LYZL4: variants seen among roughly 807,000 people sequenced by gnomAD.
The protein encoded by LYZL4 is lysozyme like 4.
Under a neutral mutation model 17.6 loss-of-function variants are expected in LYZL4, and 13 were observed. That is an observed-to-expected ratio of 0.74 (90% CI 0.48 to 1.18). The LOEUF is 1.18. LYZL4 is among the 50% of genes most tolerant of loss of function. The pLI is 0.00. For synonymous variants in LYZL4, 64 were observed against 67.7 expected (o/e 0.95, Z 0.27); for missense variants, 174 against 188.2 (o/e 0.92, Z 0.44).
At chr3:42,378,309 G>T in the LYZL4 span, among the ~76,000 whole-genome samples, 1 of 152,168 alleles carries the variant, frequency 6.6e-6, no homozygotes, top group African/African-American at 2.4e-5. Context: ...ATTTAGCAAG[G>T]CCCAACTGTT....
At chr3:42,372,149 G>C in the LYZL4 span, among the ~76,000 whole-genome samples, 1 of 152,200 alleles carries the variant, frequency 6.6e-6, no homozygotes, top group Non-Finnish European at 1.5e-5. Flanking sequence ...CCAGGGCTTG[G>C]TCAGGCAGGG....
chr3:42,374,680 C>G, the LYZL4 span, among the ~76,000 whole-genome samples: 1 of 152,214 alleles, frequency 6.6e-6, no homozygotes, highest in Non-Finnish European at 1.5e-5. Context: ...CCACCTGTCC[C>G]TGCTGTATCC....
Position 42,397,290 on chromosome 3 carries a change from C to T in LYZL4, c.416G>A (p.Arg139Gln), listed in dbSNP as rs756825251. 5.3e-5 allele frequency: 83 copies of T among 1,570,442 alleles called. No homozygotes were observed. The highest frequency in any genetic ancestry group is 4.5e-5 in the Non-Finnish European group (52 of 1,157,474). ...CTACAGCTTGCAACCATCCAGCCAC[C>T]GTGCCAGGGTATCGGAGTACTGGCA... ...RYCQYSDTLA[R>Q]WLDGCKL is the part of the protein sequence containing the mutation. Residue 139 changes from arginine to glutamine, a missense_variant, in exon 5 of 5, where the codon CGG (arginine) becomes CAG (glutamine). Transcript: ENST00000287748.
chr3:42,374,534 G>A, the LYZL4 span, among the ~76,000 whole-genome samples: 1 of 152,122 alleles, frequency 6.6e-6, no homozygotes, highest in African/African-American at 2.4e-5. Context: ...CCGATATCCT[G>A]AGCCAGTATG....
At chr3:42,385,368 G>C in the LYZL4 span, among the ~76,000 whole-genome samples, 1 of 152,154 alleles carries the variant, frequency 6.6e-6, no homozygotes, top group Non-Finnish European at 1.5e-5. Context: ...ACTTAGCACT[G>C]TGTTGCAATT....
chr3:42,370,935 C>T, the LYZL4 span, among the ~76,000 whole-genome samples: 1 of 152,198 alleles, frequency 6.6e-6, no homozygotes, highest in African/African-American at 2.4e-5. Context: ...TCCCCATCTC[C>T]TTTTGTCTTT....
intron 3 of LYZL4, among the ~76,000 whole-genome samples, chr3:42,404,710 C>T: frequency 6.6e-6 from 1 of 151,924 alleles, no homozygotes; most frequent in South Asian, 2.1e-4. Context: ...CTATATTTAT[C>T]TATGTTTATA....
chr3:42,389,396 G>A, the LYZL4 span, among the ~76,000 whole-genome samples: 1 of 152,156 alleles, frequency 6.6e-6, no homozygotes, highest in Non-Finnish European at 1.5e-5. Context: ...AGACATCCTA[G>A]AAGCAGCAGC....
rs1411808509 is a variant in LYZL4 at position 42,407,278 on chromosome 3, G to A, written c.-27C>T. The A allele has an allele frequency of 2.5e-6, 4 of 1,613,456 alleles. No individual in the cohort carries two copies. In the African/African-American group the frequency reaches 5.3e-5, roughly 22 times the overall value. ...TTCTCCAGGCTCCTGGCAGGTCAGG[G>A]CAACGGTGGCCAGATGAGTGGGTGG... is the stretch of plus-strand genomic sequence containing the variant. On this transcript the variant is annotated 5_prime_UTR_variant, in exon 2 of 5. Transcript: ENST00000287748.
the LYZL4 span, among the ~76,000 whole-genome samples, chr3:42,362,380 G>A: frequency 2.6e-5 from 4 of 152,258 alleles, no homozygotes; most frequent in Admixed American, 2.6e-4. Flanking sequence ...TAACCAATTC[G>A]GGCAATTCAT....
chr3:42,381,819 G>A, the LYZL4 span, among the ~76,000 whole-genome samples: 293 of 152,314 alleles, frequency 1.9e-3, 3 homozygotes, highest in African/African-American at 6.7e-3. Context: ...TACCCTTCAA[G>A]ACACTCAGTG....
the LYZL4 span, among the ~76,000 whole-genome samples, chr3:42,387,908 C>T: frequency 6.6e-6 from 1 of 152,184 alleles, no homozygotes; most frequent in Non-Finnish European, 1.5e-5. Context: ...GGACAAATCT[C>T]ACTGGGCCAC....
the LYZL4 span, among the ~76,000 whole-genome samples, chr3:42,364,216 A>G: frequency 6.6e-6 from 1 of 152,334 alleles, no homozygotes; most frequent in African/African-American, 2.4e-5. Flanking sequence ...ACATTGCTGC[A>G]GAATATAACT....
chr3:42,407,565 A>C, intron 1 of LYZL4: 1 of 342,196 alleles, frequency 2.9e-6, no homozygotes, highest in East Asian at 5.7e-5. Flanking sequence ...ATCCAGCAAA[A>C]CCCATTGGCT....
At chr3:42,393,877 C>T (rs980568465), downstream of LYZL4, among the ~76,000 whole-genome samples, 2 of 152,100 alleles carry the variant, frequency 1.3e-5, no homozygotes, top group Non-Finnish European at 2.9e-5. Flanking sequence ...CTGCAACCTC[C>T]ACCTCCTGAG....
At chr3:42,383,454 A>AC in the LYZL4 span, among the ~76,000 whole-genome samples, 2 of 151,984 alleles carry the variant, frequency 1.3e-5, no homozygotes. Flanking sequence ...AAAAAAAAAA[A>AC]AAACCAACCT....
the LYZL4 span, among the ~76,000 whole-genome samples, chr3:42,364,623 G>T: frequency 6.6e-6 from 1 of 152,040 alleles, no homozygotes. Context: ...GGGATTACAG[G>T]CATGAGCCAC....
In LYZL4 at chr3:42,403,776, G is replaced by T. The variant is rs570123721; in HGVS notation, c.371+270C>A. On this transcript the variant is annotated intron_variant, in intron 4 of 4. Coordinates refer to ENST00000287748, the MANE Select transcript of LYZL4 (RefSeq NM_144634.4). ...ATCAGAGATTATCATAATAAACACA[G>T]ATTTAGTTTGAAGATGTTCATCCTA... 2.2e-4 allele frequency among the ~76,000 whole-genome samples: 33 copies of T among 152,282 alleles called. No homozygotes were observed. The South Asian group carries it at 3.9e-3, about 18-fold the overall frequency.
At chr3:42,396,783 T>C (rs1187274776), downstream of LYZL4, among the ~76,000 whole-genome samples, 1 of 152,260 alleles carries the variant, frequency 6.6e-6, no homozygotes, top group Admixed American at 6.5e-5. Context: ...ATTCCCTTCA[T>C]AGACGTGCAA....
Sources: allele counts gnomAD v4.1 joint callset (sites outside exome capture counted in the v4.1 genomes callset), GRCh38; gene constraint gnomAD v4.1.1; transcripts MANE v1.5; gene names NCBI Gene and HGNC (gene_info 2026-07-23, HGNC 2026-07-21).